Variants in CHRND observed in about 807,000 individuals in gnomAD.
The protein encoded by CHRND is acetylcholine receptor subunit delta.
CHRND carries 40 observed loss-of-function variants against 57.8 expected under a neutral mutation model. That is an observed-to-expected ratio of 0.69 (90% confidence interval 0.54 to 0.90). The LOEUF (loss-of-function observed/expected upper bound fraction) is 0.90, where lower values mean the gene tolerates loss of function less well. Ranked by LOEUF, CHRND falls within the 40% of genes least tolerant of loss-of-function variation. CHRND has a pLI of 0.00. For missense variants in CHRND, 634 were observed against 673.9 expected (o/e 0.94, Z 0.66); for synonymous variants, 237 against 270.6 (o/e 0.88, Z 1.22).
Position 232,533,937 on chromosome 2 carries a change from C to T in CHRND, c.1054C>T (p.Leu352=), listed in dbSNP as rs999221466. The change falls in exon 10 of 12, where the codon CTG becomes TTG. Residue 352 remains leucine, a synonymous_variant. Transcript: ENST00000258385. ...VLSEGVKKLF[L]ETLPELLHMS... is the part of the protein sequence containing the mutation. ...CCCCTTGACATGGCCCCAGCTCTTCCTGGAGACCCTGCCGGAGCTCCTGCA... is the reference window on the plus strand; with the variant it reads ...CCCCTTGACATGGCCCCAGCTCTTCTTGGAGACCCTGCCGGAGCTCCTGCA... The T allele has an allele frequency of 6.2e-7, 1 of 1,612,540 alleles. No individual in the cohort carries two copies. Among genetic ancestry groups the T allele is most frequent in the Non-Finnish European group, 8.5e-7 (1 of 1,179,898 alleles).
intron 3 of CHRND, among the ~76,000 whole-genome samples, chr2:232,527,985 T>C (rs1574629798): frequency 6.6e-6 from 1 of 152,224 alleles, no homozygotes; most frequent in Non-Finnish European, 1.5e-5. Flanking sequence ...TTTATCTTGA[T>C]GTTTATTAGA....
chr2:232,531,776 CCT>C (rs990244916), intron 9 of CHRND, 120 bp downstream of exon 9: 15 of 789,542 alleles, frequency 1.9e-5, no homozygotes, highest in Admixed American at 1.2e-4. Context: ...TAGAGACACC[CCT>C]GTCTCTATAA....
intron 3 of CHRND, among the ~76,000 whole-genome samples, chr2:232,527,680 C>A (rs769276824): frequency 5.3e-5 from 8 of 151,868 alleles, no homozygotes; most frequent in Non-Finnish European, 8.8e-5. Flanking sequence ...GGAGGCGGAG[C>A]TTGCAGTGAG....
At chr2:232,534,200 C>A (rs1241706050) in intron 10 of CHRND, 24 bp from the exon 11 acceptor site, 2 of 1,614,114 alleles carry the variant, frequency 1.2e-6, no homozygotes, top group South Asian at 2.2e-5. Flanking sequence ...AGGCCTCACA[C>A]CCACTCTGGC....
chr2:232,532,594 C>A (rs888449634), intron 9 of CHRND, among the ~76,000 whole-genome samples: 1 of 152,156 alleles, frequency 6.6e-6, no homozygotes, highest in Admixed American at 6.6e-5. Flanking sequence ...GAAGCACCTG[C>A]GGCTGCTGCA....
At chr2:232,526,307 A>G in intron 1 of CHRND, 40 bp downstream of exon 1, 1 of 1,599,688 alleles carries the variant, frequency 6.3e-7, no homozygotes, top group Non-Finnish European at 8.5e-7. Context: ...GTCCCCCGTG[A>G]TGCTTACCCA....
chr2:232,527,462 C>T lies in CHRND; in HGVS notation c.243+17C>T. 1.2e-6 allele frequency: 2 copies of T among 1,604,876 alleles called. No homozygotes were observed. Among genetic ancestry groups the T allele is most frequent in the South Asian group, 1.1e-5 (1 of 90,860 alleles). ...ATAGAGCACGTAAGAATGCCCCTCC[C>T]AGCCGGGCGCAGTGGCTCATGCCTG... On this transcript the variant is annotated intron_variant, in intron 3 of 11. Transcript: ENST00000258385.
rs763880179 is a variant in CHRND, at chr2:232,530,152, G to T, written c.820+13G>T. 2 of 1,613,354 alleles carry T rather than the reference G, an allele frequency of 1.2e-6. No individual in the cohort carries two copies. Among genetic ancestry groups the T allele is most frequent in the African/African-American group, 2.7e-5 (2 of 74,826 alleles). ...CTACCGGCTGACAGTGAGCCTCCAG[G>T]CCCCGTCCCCTGCTCCCCCTCCCCA... is the stretch of plus-strand genomic sequence containing the variant. On this transcript the variant is annotated intron_variant, in intron 7 of 11. Coordinates refer to ENST00000258385, the MANE Select transcript of CHRND (RefSeq NM_000751.3).
At chr2:232,532,209 T>C (rs960257957) in intron 9 of CHRND, among the ~76,000 whole-genome samples, 15 of 151,926 alleles carry the variant, frequency 9.9e-5, no homozygotes, top group Admixed American at 9.2e-4. Flanking sequence ...AGCTCACACC[T>C]ATAATCCCAG....
In CHRND at chr2:232,529,040, C is replaced by T. The variant is rs768320894; in HGVS notation, c.619+69C>T. The T allele has an allele frequency of 3.7e-5, 40 of 1,083,774 alleles. No homozygotes were observed. In the South Asian group the frequency reaches 4.8e-4, roughly 13 times the overall value. The allele number at this position is 1,083,774 out of a possible 1,614,324, so 67.1% of individuals were successfully genotyped here. A position where few individuals can be genotyped will look rare whatever the true frequency, so the allele number is the denominator to read the frequency against. ...CACACAGACACACTGGCCCTGTCCA[C>T]CCCAGAGACACACACGTGCACACAC... On this transcript the variant is annotated intron_variant, in intron 6 of 11. Coordinates refer to ENST00000258385, the MANE Select transcript of CHRND (RefSeq NM_000751.3).
intron 11 of CHRND, among the ~76,000 whole-genome samples, chr2:232,534,755 C>T (rs1274679078): frequency 6.6e-6 from 1 of 152,228 alleles, no homozygotes; most frequent in Non-Finnish European, 1.5e-5. Context: ...GGCACCTTTT[C>T]CCAGTTCACA....
rs1691897345 is a variant in CHRND, at chr2:232,536,519, G to C, written c.*1207G>C. 2.2e-6 allele frequency: 1 copy of C among 452,240 alleles called. No homozygotes were observed. Among genetic ancestry groups the C allele is most frequent in the Admixed American group, 2.4e-5 (1 of 42,452 alleles). 28.0% of individuals were successfully genotyped at this position (452,240 alleles called of 1,614,324 possible). A position where few individuals can be genotyped will look rare whatever the true frequency, so the allele number is the denominator to read the frequency against. On this transcript the variant is annotated 3_prime_UTR_variant, in exon 12 of 12. Transcript: ENST00000258385. ...TGGAAGTGGATCCTCTGCCCCAGTA[G>C]GGCCTTCGGATGAGATCACAGCCCA...
In CHRND at chr2:232,530,055, C is replaced by G; in HGVS notation, c.736C>G (p.Pro246Ala). The stretch of plus-strand genomic sequence containing the variant: ...CTTCTACCTCATCATCCGCCGCAAG[C>G]CCCTCTTCTACATCATCAACATCCT... Reference protein sequence around the residue: ...ITFYLIIRRKPLFYIINILVP... With the variant: ...ITFYLIIRRKALFYIINILVP... Residue 246 changes from proline to alanine, a missense_variant, in exon 7 of 12, where the codon CCC becomes GCC. Coordinates refer to ENST00000258385, the MANE Select transcript of CHRND (RefSeq NM_000751.3). 6.2e-7 allele frequency: 1 copy of G among 1,614,222 alleles called. No homozygotes were observed. Among genetic ancestry groups the G allele is most frequent in the Non-Finnish European group, 8.5e-7 (1 of 1,180,040 alleles).
At position 232,536,592 on chromosome 2, in the gene CHRND, C is replaced by G. The variant is rs1389949182; in HGVS notation, c.*1280C>G. On this transcript the variant is annotated 3_prime_UTR_variant, in exon 12 of 12. Transcript: ENST00000258385. ...CATGAAAGTCCCTAAGCCAGAACCA[C>G]CAGCTAAGTGACTCCTGGATTCCTG... is the stretch of plus-strand genomic sequence containing the variant. 1 of 384,764 alleles carries G rather than the reference C, an allele frequency of 2.6e-6. No individual in the cohort carries two copies. Among genetic ancestry groups the G allele is most frequent in the Non-Finnish European group, 5.2e-6 (1 of 192,568 alleles). The allele number at this position is 384,764 out of a possible 1,614,324, so 23.8% of individuals were successfully genotyped here. A position where few individuals can be genotyped will look rare whatever the true frequency, so the allele number is the denominator to read the frequency against.
Position 232,535,577 on chromosome 2 carries a change from G to C in CHRND, c.*265G>C, listed in dbSNP as rs1691859592. The stretch of plus-strand genomic sequence containing the variant: ...GCCCGAGGCTGGCTCAGGGGCCAGG[G>C]AGGAGGCCACTCAGGGTGGCCTCAG... On this transcript the variant is annotated 3_prime_UTR_variant, in exon 12 of 12. Coordinates refer to ENST00000258385, the MANE Select transcript of CHRND (RefSeq NM_000751.3). The C allele has an allele frequency of 1.4e-5, 9 of 639,832 alleles. No individual in the cohort carries two copies. Among genetic ancestry groups the C allele is most frequent in the South Asian group, 1.4e-4 (9 of 65,506 alleles). The allele number at this position is 639,832 out of a possible 1,614,324, so 39.6% of individuals were successfully genotyped here.
rs1691861228 is a variant in CHRND at position 232,535,625 on chromosome 2, A to G, written c.*313A>G. 5 of 559,682 alleles carry G rather than the reference A, an allele frequency of 8.9e-6. No homozygotes were observed. Among genetic ancestry groups the G allele is most frequent in the Non-Finnish European group, 1.7e-5 (5 of 295,862 alleles). The allele number at this position is 559,682 out of a possible 1,614,324, so 34.7% of individuals were successfully genotyped here. A position where few individuals can be genotyped will look rare whatever the true frequency, so the allele number is the denominator to read the frequency against. On this transcript the variant is annotated 3_prime_UTR_variant, in exon 12 of 12. Transcript: ENST00000258385. ...CAGGGGGAGAGCTCTGATAGGGGTG[A>G]GACAGATAGGGCCCCTTCTCTGCTT...
intron 9 of CHRND, among the ~76,000 whole-genome samples, chr2:232,533,243 C>T (rs557522665): frequency 6.6e-6 from 1 of 152,300 alleles, no homozygotes; most frequent in East Asian, 1.9e-4. Context: ...TGGTCTCGAA[C>T]TCCTGACCTC....
At chr2:232,528,429 T>C in intron 4 of CHRND, 58 bp downstream of exon 4, 1 of 1,613,532 alleles carries the variant, frequency 6.2e-7, no homozygotes, top group East Asian at 2.2e-5. Flanking sequence ...TCCTTAAGCC[T>C]CCTCTGCCTC....
intron 10 of CHRND, 26 bp from the exon 11 acceptor site, chr2:232,534,198 C>T (rs1315488600): frequency 2.5e-6 from 4 of 1,614,114 alleles, no homozygotes; most frequent in Non-Finnish European, 3.4e-6. Context: ...GCAGGCCTCA[C>T]ACCCACTCTG....
Sources: allele counts gnomAD v4.1 joint callset (sites outside exome capture counted in the v4.1 genomes callset), GRCh38; gene constraint gnomAD v4.1.1; transcripts MANE v1.5; gene names NCBI Gene and HGNC (gene_info 2026-07-23, HGNC 2026-07-21).